Variants in NDST1 observed in about 807,000 individuals in gnomAD.
The protein encoded by NDST1 is bifunctional heparan sulfate N-deacetylase/N-sulfotransferase 1.
A neutral mutation model predicts 92.8 loss-of-function variants in NDST1; 35 were observed. The observed-to-expected ratio is 0.38, with a 90% CI of 0.29 to 0.50. NDST1 has a LOEUF of 0.50. Ranked by LOEUF, NDST1 falls within the 20% of genes least tolerant of loss-of-function variation. The probability of loss-of-function intolerance (pLI) is 0.94; values close to 1 mark genes in which losing one functional copy is unlikely to be tolerated. For missense variants in NDST1, 822 were observed against 1,182.7 expected (o/e 0.69, Z 4.47); for synonymous variants, 493 against 500.3 (o/e 0.99, Z 0.19).
intron 4 of NDST1, among the ~76,000 whole-genome samples, chr5:150,533,364 G>A (rs1754833710): frequency 6.6e-6 from 1 of 152,246 alleles, no homozygotes; most frequent in Non-Finnish European, 1.5e-5. Context: ...TATAAAAGAA[G>A]CTGGTTGAGT....
At chr5:150,539,415 CA>C (rs762604434) in intron 7 of NDST1, 59 bp downstream of exon 7, 189 of 1,611,452 alleles carry the variant, frequency 1.2e-4, no homozygotes, top group African/African-American at 5.3e-5. Flanking sequence ...AGCCTGTCTG[CA>C]GCTGACACAG....
At position 150,534,854 on chromosome 5, in the gene NDST1, T is replaced by C. The variant is rs750085442; in HGVS notation, c.1097-13T>C. ...GCCCAGTGGGTGGTTCTGAGCTGCC[T>C]GTGTTGCTGCAGGTACCAATGCTGA... is the stretch of plus-strand genomic sequence containing the variant. On this transcript the variant is annotated splice_polypyrimidine_tract_variant and intron_variant, in intron 4 of 14. Coordinates refer to ENST00000261797, the MANE Select transcript of NDST1 (RefSeq NM_001543.5). 6.2e-7 allele frequency: 1 copy of C among 1,614,260 alleles called. No homozygotes were observed. The highest frequency in any genetic ancestry group is 8.5e-7 in the Non-Finnish European group (1 of 1,180,046).
chr5:150,542,224 T>C (rs1235832368), intron 9 of NDST1, among the ~76,000 whole-genome samples: 2 of 152,172 alleles, frequency 1.3e-5, no homozygotes, highest in Non-Finnish European at 2.9e-5. Flanking sequence ...AAACATATAC[T>C]CTTAATTGCC....
At chr5:150,552,923 T>G (rs1755785298) in intron 14 of NDST1, among the ~76,000 whole-genome samples, 1 of 152,176 alleles carries the variant, frequency 6.6e-6, no homozygotes, top group South Asian at 2.1e-4. Flanking sequence ...CTTGGCTCAC[T>G]GCAACCTCCG....
chr5:150,526,142 T>C (rs1754466861), intron 2 of NDST1, among the ~76,000 whole-genome samples: 1 of 152,184 alleles, frequency 6.6e-6, no homozygotes, highest in Non-Finnish European at 1.5e-5. Context: ...TGTTTGTGCT[T>C]GTTTGTTCTT....
At chr5:150,518,307 G>T (rs770160720) in intron 1 of NDST1, among the ~76,000 whole-genome samples, 1 of 134,256 alleles carries the variant, frequency 7.4e-6, no homozygotes, top group Non-Finnish European at 1.6e-5. Context: ...TCCCATCCCC[G>T]TCTGTCACAC....
In NDST1 at chr5:150,557,181, T is replaced by G. The variant is rs1407747269; in HGVS notation, c.*3849T>G. On this transcript the variant is annotated 3_prime_UTR_variant, in exon 15 of 15. Coordinates refer to ENST00000261797, the MANE Select transcript of NDST1 (RefSeq NM_001543.5). This position sits in a 1 kb window ranked among gnomAD's most constrained non-coding sequence, Gnocchi z 4.7. Reference sequence around the variant, plus strand: ...GAGGGGCCAGTTAGAGCAAGAGCTCTGGGGGGGCCGGAAAGTCTCCCTGGA... The same window carrying G: ...GAGGGGCCAGTTAGAGCAAGAGCTCGGGGGGGGCCGGAAAGTCTCCCTGGA... 1 of 152,478 alleles carries G rather than the reference T, an allele frequency of 6.6e-6. No individual in the cohort carries two copies. Among genetic ancestry groups the G allele is most frequent in the African/African-American group, 2.4e-5 (1 of 41,436 alleles). 9.4% of individuals were successfully genotyped at this position (152,478 alleles called of 1,614,324 possible). A position where few individuals can be genotyped will look rare whatever the true frequency, so the allele number is the denominator to read the frequency against.
rs963643982 is a variant in NDST1 at position 150,557,939 on chromosome 5, C to T, written c.*4607C>T. The T allele has an allele frequency of 2.6e-5, 4 of 151,970 alleles. No individual in the cohort carries two copies. Among genetic ancestry groups the T allele is most frequent in the Non-Finnish European group, 4.4e-5 (3 of 67,974 alleles). 9.4% of individuals were successfully genotyped at this position (151,970 alleles called of 1,614,324 possible). On this transcript the variant is annotated 3_prime_UTR_variant, in exon 15 of 15. Transcript: ENST00000261797. This position sits in a 1 kb window ranked among gnomAD's most constrained non-coding sequence, Gnocchi z 4.7. ...TGACTGTGTTAGCTTTTATTATTAGCAAGAGGGCTCCTTTTGTAATTTGTG... is the reference window on the plus strand; with the variant it reads ...TGACTGTGTTAGCTTTTATTATTAGTAAGAGGGCTCCTTTTGTAATTTGTG...
At chr5:150,550,180 A>G (rs1008006404) in intron 13 of NDST1, among the ~76,000 whole-genome samples, 1 of 151,226 alleles carries the variant, frequency 6.6e-6, no homozygotes, top group Non-Finnish European at 1.5e-5. Context: ...GGCTCACTGC[A>G]ACCTCAACCT....
intron 11 of NDST1, among the ~76,000 whole-genome samples, chr5:150,546,895 A>G (rs1282165597): frequency 2.0e-4 from 31 of 152,190 alleles, no homozygotes; most frequent in Non-Finnish European, 1.0e-4. Flanking sequence ...ACCGAGAAAC[A>G]CTTGTCAAGT....
In NDST1 at chr5:150,524,685, G is replaced by T. The variant is rs11948499; in HGVS notation, c.513+2918G>T. 6.4e-3 allele frequency among the ~76,000 whole-genome samples: 977 copies of T among 152,360 alleles called. 14 individuals are homozygous for T. The highest frequency in any genetic ancestry group is 0.021 in the African/African-American group (887 of 41,572). On this transcript the variant is annotated intron_variant, in intron 2 of 14. Transcript: ENST00000261797. Reference sequence around the variant, plus strand: ...GTCCCGAATGACATAGCTACAGGTTGAGTGTCCCTTGTCTGAAATGCTGGG... The same window carrying T: ...GTCCCGAATGACATAGCTACAGGTTTAGTGTCCCTTGTCTGAAATGCTGGG...
chr5:150,551,893 G>A, intron 14 of NDST1, 38 bp downstream of exon 14: 1 of 1,608,688 alleles, frequency 6.2e-7, no homozygotes, highest in Non-Finnish European at 8.5e-7. Context: ...ACCTGCATAA[G>A]GGTAAGGGGT....
At chr5:150,523,705 G>A (rs1445100237) in intron 2 of NDST1, among the ~76,000 whole-genome samples, 2 of 152,218 alleles carry the variant, frequency 1.3e-5, no homozygotes, top group African/African-American at 4.8e-5. Context: ...ACCAGGCGGT[G>A]GGCTGTGGCC....
chr5:150,538,979 C>T (rs563575366), intron 6 of NDST1, among the ~76,000 whole-genome samples: 1 of 152,346 alleles, frequency 6.6e-6, no homozygotes, highest in South Asian at 2.1e-4. Flanking sequence ...CAGAAACATT[C>T]CCACTCTGTT....
At chr5:150,514,806 T>C (rs1476799891) in intron 1 of NDST1, among the ~76,000 whole-genome samples, 1 of 152,140 alleles carries the variant, frequency 6.6e-6, no homozygotes, top group Non-Finnish European at 1.5e-5. Context: ...TATCTGTAAA[T>C]TGGAAATAAT....
chr5:150,543,623 G>A (rs1009476549), intron 10 of NDST1, among the ~76,000 whole-genome samples: 1 of 152,174 alleles, frequency 6.6e-6, no homozygotes, highest in African/African-American at 2.4e-5. Flanking sequence ...ATCATAACAA[G>A]GTTCGAGGTG....
At position 150,545,298 on chromosome 5, in the gene NDST1, T is replaced by G; in HGVS notation, c.1971-14T>G. On this transcript the variant is annotated splice_polypyrimidine_tract_variant and intron_variant, in intron 10 of 14. Transcript: ENST00000261797. ...GAGTTTTGTCTGTGAGCCGCCTCTC[T>G]GGGCTTCCTGCAGGTACATGGAGTT... is the stretch of plus-strand genomic sequence containing the variant. The G allele has an allele frequency of 6.2e-7, 1 of 1,614,166 alleles. No homozygotes were observed.
intron 3 of NDST1, among the ~76,000 whole-genome samples, chr5:150,531,169 C>T (rs1305353756): frequency 1.3e-5 from 2 of 152,064 alleles, no homozygotes; most frequent in South Asian, 2.1e-4. Context: ...CTGTACAGCG[C>T]AATTTAAATA....
At chr5:150,522,656 T>C (rs1343905430) in intron 2 of NDST1, among the ~76,000 whole-genome samples, 1 of 152,176 alleles carries the variant, frequency 6.6e-6, no homozygotes, top group African/African-American at 2.4e-5. Context: ...CCTGCTGTCA[T>C]GGAGCTGGCA....
Sources: allele counts gnomAD v4.1 joint callset (sites outside exome capture counted in the v4.1 genomes callset), GRCh38; gene constraint gnomAD v4.1.1; non-coding constraint Gnocchi (gnomAD v3.1); transcripts MANE v1.5; gene names NCBI Gene and HGNC (gene_info 2026-07-23, HGNC 2026-07-21).